Variants in CFAP61 observed in about 807,000 individuals in gnomAD.
CFAP61 encodes the protein cilia- and flagella-associated protein 61.
CFAP61 carries 107 observed loss-of-function variants against 135.6 expected under a neutral mutation model. That is an observed-to-expected ratio of 0.79 (90% CI 0.67 to 0.93). The LOEUF (loss-of-function observed/expected upper bound fraction) is 0.93. Among genes scored for constraint, CFAP61 ranks in the 40% least tolerant of loss-of-function variants. CFAP61 has a pLI of 0.00. For missense variants in CFAP61, 1,507 were observed against 1,556.2 expected, an observed-to-expected ratio of 0.97 and a Z score of 0.53; for synonymous variants, 575 against 578.5, an observed-to-expected ratio of 0.99 and a Z score of 0.09.
chr20:20,359,693 A>AACCACC lies in CFAP61; in HGVS notation c.3514-515_3514-514insCACCAC, dbSNP rs1555993867. On this transcript the variant is annotated intron_variant, in intron 26 of 26. Transcript: ENST00000245957. This position sits in a 1 kb window ranked among gnomAD's most constrained non-coding sequence, Gnocchi z 4.0. ...AAGCAAAAAACAAAACAACAACAAC[A>AACCACC]ACAAAACAAGTATGATCTACAGATG... is the stretch of plus-strand genomic sequence containing the variant. 2.0e-5 allele frequency among the ~76,000 whole-genome samples: 3 copies of AACCACC among 151,954 alleles called. No individual in the cohort carries two copies. Among genetic ancestry groups the AACCACC allele is most frequent in the Admixed American group, 6.5e-5 (1 of 15,272 alleles).
intron 9 of CFAP61, among the ~76,000 whole-genome samples, chr20:20,146,030 C>A (rs2051852187): frequency 6.6e-6 from 1 of 152,202 alleles, no homozygotes; most frequent in African/African-American, 2.4e-5. Flanking sequence ...TGAAGTGCAG[C>A]ACAGTGGCCC....
intron 13 of CFAP61, among the ~76,000 whole-genome samples, chr20:20,169,947 A>G (rs1380861488): frequency 6.6e-6 from 1 of 152,248 alleles, no homozygotes; most frequent in African/African-American, 2.4e-5. Context: ...GTAAGTATTG[A>G]AAACATAAAA....
intron 24 of CFAP61, among the ~76,000 whole-genome samples, chr20:20,291,006 T>G (rs995552907): frequency 1.2e-4 from 19 of 152,192 alleles, no homozygotes; most frequent in Non-Finnish European, 2.1e-4. Context: ...ATAGACTTTA[T>G]TTTTTAGAGC....
chr20:20,229,211 C>T (rs552237610), intron 18 of CFAP61, among the ~76,000 whole-genome samples: 14 of 152,268 alleles, frequency 9.2e-5, no homozygotes, highest in African/African-American at 2.6e-4. Flanking sequence ...CACTTGAGCA[C>T]CTCTTTAATA....
chr20:20,097,518 A>G (rs1197082631), intron 7 of CFAP61, among the ~76,000 whole-genome samples: 1 of 152,248 alleles, frequency 6.6e-6, no homozygotes, highest in Non-Finnish European at 1.5e-5. Context: ...CCGTCTCTCC[A>G]TGTGGAATAT....
intron 25 of CFAP61, among the ~76,000 whole-genome samples, chr20:20,320,338 T>G (rs1396231659): frequency 9.9e-6 from 1 of 100,914 alleles, no homozygotes; most frequent in Non-Finnish European, 1.9e-5. Context: ...ATATATATTA[T>G]ATATATGTAA....
intron 25 of CFAP61, among the ~76,000 whole-genome samples, chr20:20,308,681 CA>C (rs2056629232): frequency 6.6e-6 from 1 of 152,188 alleles, no homozygotes; most frequent in Admixed American, 6.5e-5. Flanking sequence ...GTCTTGTTGT[CA>C]GAGCCCAAGT....
At chr20:20,324,811 A>C (rs2057684311) in intron 25 of CFAP61, among the ~76,000 whole-genome samples, 2 of 152,140 alleles carry the variant, frequency 1.3e-5, no homozygotes, top group East Asian at 3.8e-4. Context: ...GTGTCCACTG[A>C]ATCTTTTCAT....
intron 17 of CFAP61, among the ~76,000 whole-genome samples, chr20:20,223,929 G>A (rs1258302007): frequency 6.6e-6 from 1 of 152,116 alleles, no homozygotes; most frequent in Non-Finnish European, 1.5e-5. Context: ...TAAGCAAATG[G>A]AAATGAACCA....
At chr20:20,067,709 T>A (rs1568820329) in intron 2 of CFAP61, among the ~76,000 whole-genome samples, 7 of 145,566 alleles carry the variant, frequency 4.8e-5, no homozygotes, top group Non-Finnish European at 1.1e-4. Context: ...TATTCATATT[T>A]TATATATAAT....
intron 8 of CFAP61, among the ~76,000 whole-genome samples, chr20:20,140,643 G>T (rs983928071): frequency 1.3e-5 from 2 of 152,028 alleles, no homozygotes; most frequent in Admixed American, 6.6e-5. Flanking sequence ...AACCATTGTG[G>T]AAGTCAGTGT....
At chr20:20,261,367 C>T (rs1043629308) in intron 20 of CFAP61, among the ~76,000 whole-genome samples, 3 of 152,222 alleles carry the variant, frequency 2.0e-5, no homozygotes, top group Non-Finnish European at 4.4e-5. Flanking sequence ...TCTGCCCCAA[C>T]ATCCCTCTTG....
At chr20:20,067,751 A>G (rs987777852) in intron 2 of CFAP61, among the ~76,000 whole-genome samples, 8 of 144,126 alleles carry the variant, frequency 5.6e-5, no homozygotes, top group African/African-American at 2.0e-4. Flanking sequence ...TATAATATAT[A>G]TTTATATTAT....
chr20:20,323,255 C>T (rs2057604406), intron 25 of CFAP61: 7 of 985,314 alleles, frequency 7.1e-6, no homozygotes, highest in Non-Finnish European at 6.0e-6. Flanking sequence ...ATTCAGCCTT[C>T]GTCTTCGATT....
chr20:20,083,126 T>A (rs930203328), intron 6 of CFAP61, among the ~76,000 whole-genome samples: 31 of 152,168 alleles, frequency 2.0e-4, no homozygotes, highest in African/African-American at 7.5e-4. Context: ...TTAAAGGAAA[T>A]GTGATATTCA....
rs563787980 is a variant in CFAP61 at position 20,285,819 on chromosome 20, G to T, written c.2797-2790G>T. On this transcript the variant is annotated intron_variant, in intron 22 of 26. Coordinates refer to ENST00000245957, the MANE Select transcript of CFAP61 (RefSeq NM_015585.4). ...CCTGTAGTTCCAGCTACATGGGGGG[G>T]CTGAGGCAGAAGGATTCCTTGAACC... 2.6e-5 allele frequency among the ~76,000 whole-genome samples: 4 copies of T among 151,672 alleles called. No homozygotes were observed. In the East Asian group the frequency reaches 7.8e-4, roughly 29 times the overall value.
At chr20:20,169,200 G>T in intron 12 of CFAP61, 121 bp from the exon 13 acceptor site, 3 of 883,652 alleles carry the variant, frequency 3.4e-6, no homozygotes, top group East Asian at 2.6e-5. Flanking sequence ...AAGGTAATTT[G>T]AATATCCTCT....
chr20:20,257,002 T>C (rs1334632091), intron 20 of CFAP61, among the ~76,000 whole-genome samples: 2 of 152,182 alleles, frequency 1.3e-5, no homozygotes, highest in African/African-American at 4.8e-5. Context: ...GGATGATAAA[T>C]AGTTTCTCAT....
chr20:20,241,289 C>T (rs141869709), intron 18 of CFAP61, among the ~76,000 whole-genome samples: 1 of 152,110 alleles, frequency 6.6e-6, no homozygotes, highest in East Asian at 1.9e-4. Flanking sequence ...GTAAGGATAA[C>T]AAGAGGGGTT....
Sources: allele counts gnomAD v4.1 joint callset (sites outside exome capture counted in the v4.1 genomes callset), GRCh38; gene constraint gnomAD v4.1.1; non-coding constraint Gnocchi (gnomAD v3.1); transcripts MANE v1.5; gene names NCBI Gene and HGNC (gene_info 2026-07-23, HGNC 2026-07-21).